Variants in PCDH9 observed in about 807,000 individuals in gnomAD.
PCDH9 encodes protocadherin-9.
Under a neutral mutation model 70.6 loss-of-function variants are expected in PCDH9, and 24 were observed. That is an observed-to-expected ratio of 0.34 (90% CI 0.25 to 0.48). PCDH9 has a LOEUF of 0.48. Among genes scored for constraint, PCDH9 ranks in the 20% least tolerant of loss-of-function variants. The pLI, the probability that PCDH9 is intolerant of heterozygous loss-of-function variation, is 0.99. For synonymous variants in PCDH9, 562 were observed against 558.5 expected (o/e 1.01, Z -0.09); for missense variants, 1,281 against 1,503.6 (o/e 0.85, Z 2.45).
intron 3 of PCDH9, among the ~76,000 whole-genome samples, chr13:66,730,403 C>G (rs970513395): frequency 6.6e-6 from 1 of 152,078 alleles, no homozygotes; most frequent in Non-Finnish European, 1.5e-5. Context: ...TTTGCTTTTT[C>G]TCATAATCTA....
chr13:67,137,080 A>G (rs1451286676), intron 2 of PCDH9, among the ~76,000 whole-genome samples: 1 of 152,060 alleles, frequency 6.6e-6, no homozygotes, highest in Non-Finnish European at 1.5e-5. Flanking sequence ...TATGTAGCAA[A>G]CCTGCACATT....
chr13:66,675,369 A>G (rs1482282992), intron 3 of PCDH9, among the ~76,000 whole-genome samples: 2 of 152,156 alleles, frequency 1.3e-5, no homozygotes, highest in Non-Finnish European at 1.5e-5. Context: ...TAAGCAAAAG[A>G]TATGCATGCA....
chr13:66,677,764 C>T (rs1218529217), intron 3 of PCDH9, among the ~76,000 whole-genome samples: 1 of 152,178 alleles, frequency 6.6e-6, no homozygotes, highest in Non-Finnish European at 1.5e-5. Flanking sequence ...CATGATTCCT[C>T]GAAAGCCTAC....
At chr13:66,542,711 C>CAT (rs1400159202) in intron 4 of PCDH9, among the ~76,000 whole-genome samples, 1 of 144,920 alleles carries the variant, frequency 6.9e-6, no homozygotes, top group Non-Finnish European at 1.5e-5. Flanking sequence ...TATATAAAAA[C>CAT]ATATATATGT....
intron 4 of PCDH9, among the ~76,000 whole-genome samples, chr13:66,462,286 T>C (rs774726198): frequency 6.6e-6 from 1 of 151,822 alleles, no homozygotes; most frequent in Non-Finnish European, 1.5e-5. Flanking sequence ...TAAAGAAAGC[T>C]TACAAACTGA....
intron 2 of PCDH9, among the ~76,000 whole-genome samples, chr13:67,160,310 C>T (rs2087920680): frequency 6.6e-6 from 1 of 152,156 alleles, no homozygotes; most frequent in African/African-American, 2.4e-5. Context: ...CTTTGGGAGG[C>T]CGAGAAGGGC....
chr13:66,715,186 C>A (rs1007665386), intron 3 of PCDH9, among the ~76,000 whole-genome samples: 4 of 151,994 alleles, frequency 2.6e-5, no homozygotes, highest in Admixed American at 6.6e-5. Flanking sequence ...GACAGAGATC[C>A]CTCCAACTTC....
intron 4 of PCDH9, among the ~76,000 whole-genome samples, chr13:66,431,828 G>T (rs1157696214): frequency 6.6e-6 from 1 of 151,974 alleles, no homozygotes; most frequent in Non-Finnish European, 1.5e-5. Flanking sequence ...TGACGTCCAA[G>T]ATTCATTAGG....
chr13:66,875,759 T>C (rs2081796073), intron 3 of PCDH9, among the ~76,000 whole-genome samples: 1 of 152,196 alleles, frequency 6.6e-6, no homozygotes, highest in Non-Finnish European at 1.5e-5. Context: ...CAATTTACAG[T>C]TGTTTACAAA....
rs181186271 is a variant in PCDH9, at chr13:66,625,889, C to G, written c.3340+5321G>C. Among the ~76,000 whole-genome samples the G allele has an allele frequency of 2.1e-3, 316 of 152,128 alleles. 2 individuals are homozygous for G. The highest frequency in any genetic ancestry group is 3.1e-3 in the Non-Finnish European group (212 of 68,004). ...GTGTTGGCCAGGCTGGTCTTGAACT[C>G]CTGACCTCAAATGATCTGTCCTCCT... On this transcript the variant is annotated intron_variant, in intron 4 of 4. Transcript: ENST00000377865.
chr13:66,530,169 T>C (rs1164402617), intron 4 of PCDH9, among the ~76,000 whole-genome samples: 3 of 152,076 alleles, frequency 2.0e-5, no homozygotes, highest in Non-Finnish European at 4.4e-5. Flanking sequence ...CTCCTCCTAC[T>C]TTTTTCTGAT....
At chr13:66,445,484 A>AT (rs200610691) in intron 4 of PCDH9, among the ~76,000 whole-genome samples, 78 of 140,164 alleles carry the variant, frequency 5.6e-4, no homozygotes, top group African/African-American at 2.0e-3. Context: ...TATACACATA[A>AT]AATATATACA....
At chr13:66,665,559 A>T (rs918207184) in intron 3 of PCDH9, among the ~76,000 whole-genome samples, 2 of 152,234 alleles carry the variant, frequency 1.3e-5, no homozygotes, top group African/African-American at 4.8e-5. Flanking sequence ...GACCAGGAAG[A>T]CTTCCTTGAC....
chr13:66,402,871 G>A (rs560388860), intron 4 of PCDH9, among the ~76,000 whole-genome samples: 11 of 152,260 alleles, frequency 7.2e-5, no homozygotes, highest in African/African-American at 2.6e-4. Flanking sequence ...GTCTCTAAGT[G>A]TTTTAAATAC....
At chr13:66,946,574 AATC>A (rs2083091540) in intron 2 of PCDH9, among the ~76,000 whole-genome samples, 1 of 152,112 alleles carries the variant, frequency 6.6e-6, no homozygotes, top group Admixed American at 6.6e-5. Context: ...ATTTGGTACT[AATC>A]ATAGTAAACA....
At chr13:66,574,772 G>C (rs2076788758) in intron 4 of PCDH9, among the ~76,000 whole-genome samples, 1 of 152,142 alleles carries the variant, frequency 6.6e-6, no homozygotes, top group Non-Finnish European at 1.5e-5. Flanking sequence ...AAACTGGAAT[G>C]TGGCTTCTGC....
At chr13:67,088,163 C>T (rs1282933298) in intron 2 of PCDH9, among the ~76,000 whole-genome samples, 1 of 151,126 alleles carries the variant, frequency 6.6e-6, no homozygotes, top group African/African-American at 2.4e-5. Context: ...GCTTGGATGG[C>T]TTGATGTGAC....
rs1226651387 is a variant in PCDH9, at chr13:66,338,315, G to A, written c.3341-33287C>T. The stretch of plus-strand genomic sequence containing the variant: ...TCCTGAATCATGTGCACTGGAACAT[G>A]AGCTTGAAGTGTTCAAAACATAATT... On this transcript the variant is annotated intron_variant, in intron 4 of 4. Coordinates refer to ENST00000377865, the MANE Select transcript of PCDH9 (RefSeq NM_203487.3). Among the ~76,000 whole-genome samples, 6 of 151,968 alleles carry A rather than the reference G, an allele frequency of 3.9e-5. No individual in the cohort carries two copies. In the East Asian group the frequency reaches 1.2e-3, roughly 29 times the overall value.
At chr13:67,116,076 T>G (rs1272388659) in intron 2 of PCDH9, among the ~76,000 whole-genome samples, 1 of 152,170 alleles carries the variant, frequency 6.6e-6, no homozygotes, top group Non-Finnish European at 1.5e-5. Context: ...ATAACTTCCT[T>G]ATATTTTAAA....
Sources: gnomAD v4.1 joint callset for allele counts (sites outside exome capture counted in the v4.1 genomes callset) on GRCh38, gnomAD v4.1.1 for gene constraint, MANE v1.5 for transcripts, NCBI Gene and HGNC (gene_info 2026-07-23, HGNC 2026-07-21) for gene names.